KCNC2: variants seen among roughly 807,000 people sequenced by gnomAD.
KCNC2 encodes the protein voltage-gated potassium channel KCNC2.
Under a neutral mutation model 44.5 loss-of-function variants are expected in KCNC2, and 21 were observed. The observed-to-expected ratio is 0.47, with a 90% confidence interval of 0.33 to 0.68. The LOEUF is 0.68. Among genes scored for constraint, KCNC2 ranks in the 30% least tolerant of loss-of-function variants. The probability of loss-of-function intolerance (pLI) is 0.01; values close to 1 mark genes in which losing one functional copy is unlikely to be tolerated. For missense variants in KCNC2, 589 were observed against 826.2 expected (o/e 0.71, Z 3.52); for synonymous variants, 391 against 339.1 (o/e 1.15, Z -1.68).
At chr12:75,073,667 G>T (rs59313338) in intron 2 of KCNC2, among the ~76,000 whole-genome samples, 23,531 of 152,052 alleles carry the variant, frequency 0.15, 1,988 homozygotes, top group Middle Eastern at 0.25. Flanking sequence ...TATCTGCTTC[G>T]TAGGGGAAGA....
chr12:75,044,480 A>G (rs1271588684), intron 4 of KCNC2: 1 of 151,924 alleles, frequency 6.6e-6, no homozygotes, highest in Non-Finnish European at 1.5e-5. Flanking sequence ...CCTTTCAGCT[A>G]TTCATCTTTA....
At chr12:75,093,705 T>G (rs927920240) in intron 2 of KCNC2, among the ~76,000 whole-genome samples, 1 of 151,624 alleles carries the variant, frequency 6.6e-6, no homozygotes, top group African/African-American at 2.4e-5. Context: ...TTTCACTAAT[T>G]TTGCTTCAAT....
intron 2 of KCNC2, among the ~76,000 whole-genome samples, chr12:75,057,360 C>T (rs1386475548): frequency 6.6e-6 from 1 of 151,884 alleles, no homozygotes; most frequent in Non-Finnish European, 1.5e-5. Flanking sequence ...TAAGTCTGTC[C>T]TTAAAGGCCA....
chr12:75,146,604 C>T (rs578176989), intron 2 of KCNC2, among the ~76,000 whole-genome samples: 2 of 152,232 alleles, frequency 1.3e-5, no homozygotes, highest in African/African-American at 4.8e-5. Flanking sequence ...CAACCATTAC[C>T]ATGCTTGTGC....
intron 2 of KCNC2, among the ~76,000 whole-genome samples, chr12:75,151,945 T>C (rs993658128): frequency 3.4e-5 from 5 of 146,480 alleles, no homozygotes; most frequent in Non-Finnish European, 7.5e-5. Flanking sequence ...ATTATACATT[T>C]ATATATAATA....
Position 75,098,763 on chromosome 12 carries a change from A to AATAAATAC in KCNC2, c.688-47447_688-47446insGTATTTAT, listed in dbSNP as rs1329470085. Among the ~76,000 whole-genome samples the AATAAATAC allele has an allele frequency of 2.0e-5, 3 of 151,346 alleles. No homozygotes were observed. In the East Asian group the frequency reaches 5.8e-4, roughly 29 times the overall value. ...ACAGAGTGAGACTCTGTCTTAAATA[A>AATAAATAC]ATAAATAAATAAATAAATAAATAAA... On this transcript the variant is annotated intron_variant, in intron 2 of 4. Transcript: ENST00000549446.
chr12:75,163,322 A>T (rs1356224780), intron 2 of KCNC2, among the ~76,000 whole-genome samples: 2 of 151,768 alleles, frequency 1.3e-5, no homozygotes, highest in African/African-American at 4.8e-5. Flanking sequence ...TGATTAGGTT[A>T]TCTCCAGGTA....
intron 2 of KCNC2, among the ~76,000 whole-genome samples, chr12:75,144,042 T>C (rs115959328): frequency 0.023 from 3,551 of 152,306 alleles, 142 homozygotes; most frequent in African/African-American, 0.081. Flanking sequence ...TCCATTTTTA[T>C]ATGACTGACA....
intron 4 of KCNC2, among the ~76,000 whole-genome samples, chr12:75,044,288 G>C (rs371273646): frequency 6.6e-6 from 1 of 151,890 alleles, no homozygotes; most frequent in Non-Finnish European, 1.5e-5. Flanking sequence ...TTGAAAAATT[G>C]TTATAGAACA....
intron 2 of KCNC2, among the ~76,000 whole-genome samples, chr12:75,064,052 T>C (rs183637454): frequency 3.2e-4 from 49 of 152,148 alleles, no homozygotes; most frequent in African/African-American, 1.2e-3. Context: ...ATGACAAAAA[T>C]GAGAATACAA....
intron 2 of KCNC2, among the ~76,000 whole-genome samples, chr12:75,148,208 C>T (rs1362244824): frequency 6.6e-6 from 1 of 151,996 alleles, no homozygotes; most frequent in Admixed American, 6.6e-5. Context: ...GCACTATGTC[C>T]TCCAAAGTAT....
At chr12:75,053,593 A>G (rs1881420637) in intron 2 of KCNC2, among the ~76,000 whole-genome samples, 1 of 151,842 alleles carries the variant, frequency 6.6e-6, no homozygotes, top group Non-Finnish European at 1.5e-5. Context: ...CCACACCATG[A>G]TTTTGTATTT....
rs1186385567 is a variant in KCNC2, at chr12:75,073,097, T to C, written c.688-21780A>G. ...CATAATTCTGCATGGATTGTTTATC[T>C]GTTGAGGCCTGATATTCTTTCACCA... On this transcript the variant is annotated intron_variant, in intron 2 of 4. Coordinates refer to ENST00000549446, the MANE Select transcript of KCNC2 (RefSeq NM_139137.4). 4.6e-5 allele frequency among the ~76,000 whole-genome samples: 7 copies of C among 152,184 alleles called. No individual in the cohort carries two copies. The East Asian group carries it at 5.8e-4, about 13-fold the overall frequency.
Position 75,041,380 on chromosome 12 carries a change from T to C in KCNC2, c.*1725A>G, listed in dbSNP as rs1365062404. 7.0e-7 allele frequency: 1 copy of C among 1,432,320 alleles called. No individual in the cohort carries two copies. Among genetic ancestry groups the C allele is most frequent in the African/African-American group, 1.4e-5 (1 of 70,146 alleles). 88.7% of individuals were successfully genotyped at this position (1,432,320 alleles called of 1,614,324 possible). The stretch of plus-strand genomic sequence containing the variant: ...TACAACATCTCCAACATGCAGGTCA[T>C]GCTCTAGGACTTGGGGATATAGAGT... On this transcript the variant is annotated 3_prime_UTR_variant, in exon 5 of 5. Transcript: ENST00000549446.
At position 75,042,135 on chromosome 12, in the gene KCNC2, TA is replaced by T. The variant is rs903498653; in HGVS notation, c.*969del. ...AATAAATAAAAATAAAATAAGGGGG[TA>T]AAAAAAAGACACAAGAGCTTTGGGT... On this transcript the variant is annotated 3_prime_UTR_variant, in exon 5 of 5. Coordinates refer to ENST00000549446, the MANE Select transcript of KCNC2 (RefSeq NM_139137.4). 158 of 1,247,240 alleles carry T rather than the reference TA, an allele frequency of 1.3e-4. No homozygotes were observed. Among genetic ancestry groups the T allele is most frequent in the Middle Eastern group, 4.3e-4 (2 of 4,680 alleles). 77.3% of individuals were successfully genotyped at this position (1,247,240 alleles called of 1,614,324 possible).
chr12:75,047,575 C>T (rs1009698556), intron 4 of KCNC2, among the ~76,000 whole-genome samples: 14 of 151,994 alleles, frequency 9.2e-5, no homozygotes, highest in African/African-American at 3.4e-4. Context: ...TTTGTGAGTA[C>T]ACAAGTAGGC....
At chr12:75,093,961 C>A (rs1005309952) in intron 2 of KCNC2, among the ~76,000 whole-genome samples, 7 of 151,586 alleles carry the variant, frequency 4.6e-5, no homozygotes, top group African/African-American at 1.7e-4. Context: ...TACTTTTGCA[C>A]CAACCTAATA....
chr12:75,127,679 A>G (rs4473004), intron 2 of KCNC2, among the ~76,000 whole-genome samples: 93,841 of 152,024 alleles, frequency 0.62, 31,171 homozygotes, highest in African/African-American at 0.87. Context: ...AGAGACACAA[A>G]ATGTGTCATG....
intron 2 of KCNC2, among the ~76,000 whole-genome samples, chr12:75,143,574 A>G (rs1889807959): frequency 1.3e-5 from 2 of 152,176 alleles, no homozygotes; most frequent in Non-Finnish European, 2.9e-5. Context: ...TTATTAAAAT[A>G]ACAGGCTCTG....
Sources: allele counts gnomAD v4.1 joint callset (sites outside exome capture counted in the v4.1 genomes callset), GRCh38; gene constraint gnomAD v4.1.1; transcripts MANE v1.5; gene names NCBI Gene and HGNC (gene_info 2026-07-23, HGNC 2026-07-21).